RBM34: variants seen among roughly 807,000 people sequenced by gnomAD.
The protein encoded by RBM34 is RNA-binding protein 34.
Under a neutral mutation model 44.6 loss-of-function variants are expected in RBM34, and 39 were observed. The ratio of observed to expected loss-of-function variants is 0.87; its 90% confidence interval spans 0.68 to 1.14. The LOEUF (loss-of-function observed/expected upper bound fraction) is 1.14, where lower values mean the gene tolerates loss of function less well. Ranked by LOEUF, RBM34 falls within the 50% of genes most tolerant of loss-of-function variation. The pLI, the probability that RBM34 is intolerant of heterozygous loss-of-function variation, is 0.00. For missense variants in RBM34, 572 were observed against 517.9 expected (o/e 1.10, Z -1.01); for synonymous variants, 194 against 184.0 (o/e 1.05, Z -0.44).
At chr1:235,160,382 C>A in intron 3 of RBM34, 129 bp downstream of exon 3, 1 of 1,233,012 alleles carries the variant, frequency 8.1e-7, no homozygotes. Flanking sequence ...TCTATATGTA[C>A]TGGATTTTCC....
intron 3 of RBM34, among the ~76,000 whole-genome samples, chr1:235,157,070 C>T (rs191208492): frequency 3.3e-5 from 5 of 152,236 alleles, no homozygotes; most frequent in Admixed American, 3.3e-4. Context: ...AAGGTGGGAA[C>T]CAGGTCAGGA....
chr1:235,132,081 G>A, intron 10 of RBM34, 84 bp from the exon 11 acceptor site: 1 of 1,325,788 alleles, frequency 7.5e-7, no homozygotes, highest in Non-Finnish European at 1.0e-6. Context: ...TAACAGATGA[G>A]AACGACTTTC....
rs1028737889 is a variant in RBM34 at position 235,149,314 on chromosome 1, G to A, written c.658-867C>T. Among the ~76,000 whole-genome samples, 12 of 151,156 alleles carry A rather than the reference G, an allele frequency of 7.9e-5. No individual in the cohort carries two copies. In the East Asian group the frequency reaches 1.2e-3, roughly 15 times the overall value. On this transcript the variant is annotated intron_variant, in intron 5 of 10. Coordinates refer to ENST00000408888, the MANE Select transcript of RBM34 (RefSeq NM_015014.4). ...TGAGGCAGGAGAATGGCGTGAACCC[G>A]GGAGGCGGAGCTTGCAGTGAGCCCA... is the stretch of plus-strand genomic sequence containing the variant.
At chr1:235,152,523 A>G in intron 5 of RBM34, 183 bp downstream of exon 5, 1 of 1,335,082 alleles carries the variant, frequency 7.5e-7, no homozygotes, top group Non-Finnish European at 9.7e-7. Context: ...AACTCAATAC[A>G]TTATTTAAAA....
intron 6 of RBM34, among the ~76,000 whole-genome samples, chr1:235,146,363 T>A (rs1661907735): frequency 2.0e-5 from 3 of 152,214 alleles, no homozygotes; most frequent in Admixed American, 6.5e-5. Context: ...AGGGCATTTT[T>A]AAAAAATGCT....
At chr1:235,144,219 T>C (rs1000149368) in intron 6 of RBM34, among the ~76,000 whole-genome samples, 8 of 152,146 alleles carry the variant, frequency 5.3e-5, no homozygotes, top group African/African-American at 1.9e-4. Context: ...CTCAAAATCA[T>C]TATGCTGAGC....
chr1:235,142,926 C>CAAAAAA (rs34015202), intron 6 of RBM34, among the ~76,000 whole-genome samples: 11 of 66,188 alleles, frequency 1.7e-4, no homozygotes, highest in Admixed American at 5.2e-4. Flanking sequence ...GGATCCATCT[C>CAAAAAA]AAAAAAAAAA....
At chr1:235,152,553 G>T in intron 5 of RBM34, 153 bp downstream of exon 5, 1 of 1,395,454 alleles carries the variant, frequency 7.2e-7, no homozygotes, top group African/African-American at 1.5e-5. Context: ...GTCAGCAGTA[G>T]ATAGTAAGAG....
intron 5 of RBM34, among the ~76,000 whole-genome samples, chr1:235,151,182 G>A (rs1319785779): frequency 2.0e-5 from 3 of 152,280 alleles, no homozygotes; most frequent in Admixed American, 6.5e-5. Flanking sequence ...GTTGAAAAAC[G>A]GACAGGAGTG....
intron 8 of RBM34, 98 bp from the exon 9 acceptor site, chr1:235,136,171 G>A (rs887511804): frequency 1.0e-6 from 1 of 956,854 alleles, no homozygotes; most frequent in Admixed American, 2.4e-5. Context: ...ATATCTGACA[G>A]GTCACCCATC....
chr1:235,150,877 G>A (rs1662129027), intron 5 of RBM34, among the ~76,000 whole-genome samples: 1 of 152,168 alleles, frequency 6.6e-6, no homozygotes, highest in Admixed American at 6.5e-5. Flanking sequence ...GAGAATCAAG[G>A]TAGGCTCCCC....
rs543867886 is a variant in RBM34 at position 235,148,754 on chromosome 1, A to C, written c.658-307T>G. ...GCTGGGACTACAGGCGCCCGCCACC[A>C]CGCCCGGCTAATTTTTTGTATTTTT... On this transcript the variant is annotated intron_variant, in intron 5 of 10. Coordinates refer to ENST00000408888, the MANE Select transcript of RBM34 (RefSeq NM_015014.4). Among the ~76,000 whole-genome samples the C allele has an allele frequency of 5.9e-5, 9 of 151,842 alleles. No homozygotes were observed. The South Asian group carries it at 1.9e-3, about 32-fold the overall frequency.
intron 6 of RBM34, among the ~76,000 whole-genome samples, chr1:235,138,804 CTTG>C (rs1274922054): frequency 6.6e-6 from 1 of 152,106 alleles, no homozygotes; most frequent in Non-Finnish European, 1.5e-5. Context: ...TCTTTTGAAT[CTTG>C]TTTAATTTAC....
intron 10 of RBM34, among the ~76,000 whole-genome samples, chr1:235,132,864 G>C (rs1356614894): frequency 6.6e-6 from 1 of 152,106 alleles, no homozygotes; most frequent in Non-Finnish European, 1.5e-5. Context: ...TAGAAGAAAG[G>C]GAGCAGACAA....
intron 8 of RBM34, 165 bp from the exon 9 acceptor site, chr1:235,136,238 G>A (rs966442973): frequency 1.5e-6 from 1 of 655,648 alleles, no homozygotes; most frequent in African/African-American, 1.8e-5. Context: ...CTTCCCTGCT[G>A]GACTGTGTGT....
rs1484666063 is a variant in RBM34, at chr1:235,160,240, A to C, written c.365+271T>G. On this transcript the variant is annotated intron_variant, in intron 3 of 10. Coordinates refer to ENST00000408888, the MANE Select transcript of RBM34 (RefSeq NM_015014.4). ...CTACTGCAGCCTGGGCGTGGCATCA[A>C]GACTCCATCTCAAAACAAACAAAAA... 6 of 559,314 alleles carry C rather than the reference A, an allele frequency of 1.1e-5. No individual in the cohort carries two copies. The Admixed American group carries it at 1.3e-4, about 12-fold the overall frequency. The allele number at this position is 559,314 out of a possible 1,614,324, so 34.6% of individuals were successfully genotyped here. A position where few individuals can be genotyped will look rare whatever the true frequency, so the allele number is the denominator to read the frequency against.
chr1:235,150,120 G>A (rs1662096908), intron 5 of RBM34, among the ~76,000 whole-genome samples: 1 of 152,196 alleles, frequency 6.6e-6, no homozygotes, highest in South Asian at 2.1e-4. Context: ...TGTCGCCCAG[G>A]CTGGAGTGCA....
At chr1:235,135,811 A>G (rs771766163) in intron 9 of RBM34, 41 bp from the exon 10 acceptor site, 6 of 1,538,612 alleles carry the variant, frequency 3.9e-6, no homozygotes, top group Non-Finnish European at 5.4e-6. Flanking sequence ...AAGAGTTGGG[A>G]GCCCCTCAGA....
chr1:235,159,751 C>G lies in RBM34; in HGVS notation c.365+760G>C, dbSNP rs538259809. Reference sequence around the variant, plus strand: ...CCGGGCATGGTGGCACCTGTAATCTCAGCTCCACGGGAGGCCTGAGGCAGG... The same window carrying G: ...CCGGGCATGGTGGCACCTGTAATCTGAGCTCCACGGGAGGCCTGAGGCAGG... On this transcript the variant is annotated intron_variant, in intron 3 of 10. Transcript: ENST00000408888. 2.7e-5 allele frequency among the ~76,000 whole-genome samples: 4 copies of G among 150,762 alleles called. No individual in the cohort carries two copies. In the East Asian group the frequency reaches 7.8e-4, roughly 29 times the overall value.
Sources: allele counts gnomAD v4.1 joint callset (sites outside exome capture counted in the v4.1 genomes callset), GRCh38; gene constraint gnomAD v4.1.1; transcripts MANE v1.5; gene names NCBI Gene and HGNC (gene_info 2026-07-23, HGNC 2026-07-21).